Variants in PTPRB observed in about 807,000 individuals in gnomAD.
The protein encoded by PTPRB is receptor-type tyrosine-protein phosphatase beta.
Under a neutral mutation model 238.1 loss-of-function variants are expected in PTPRB, and 97 were observed. That is an observed-to-expected ratio of 0.41 (90% CI 0.35 to 0.48). The LOEUF (loss-of-function observed/expected upper bound fraction) is 0.48. PTPRB is among the 20% of genes least tolerant of loss of function. The pLI, the probability that PTPRB is intolerant of heterozygous loss-of-function variation, is 0.30. For synonymous variants in PTPRB, 970 were observed against 995.4 expected, an observed-to-expected ratio of 0.97 and a Z score of 0.48; for missense variants, 2,292 against 2,681.9, an observed-to-expected ratio of 0.85 and a Z score of 3.21.
At chr12:70,615,694 G>A (rs535938742) in intron 3 of PTPRB, among the ~76,000 whole-genome samples, 137 of 152,308 alleles carry the variant, frequency 9.0e-4, no homozygotes, top group African/African-American at 3.1e-3. Context: ...ACTCCCAGAT[G>A]AACCCAGTTG....
intron 2 of PTPRB, 105 bp downstream of exon 2, chr12:70,635,566 G>A: frequency 7.4e-7 from 1 of 1,345,580 alleles, no homozygotes; most frequent in Non-Finnish European, 1.0e-6. Flanking sequence ...GTTGGGGCAT[G>A]TGGACTTCCC....
chr12:70,535,233 T>G (rs36065059), intron 29 of PTPRB, among the ~76,000 whole-genome samples: 5,282 of 147,286 alleles, frequency 0.036, 357 homozygotes, highest in African/African-American at 0.13. Flanking sequence ...AGTTTTTTTT[T>G]TTTTTTTTTT....
intron 4 of PTPRB, among the ~76,000 whole-genome samples, chr12:70,598,202 G>T (rs926921670): frequency 1.3e-5 from 2 of 150,806 alleles, no homozygotes; most frequent in Non-Finnish European, 2.9e-5. Context: ...GTGTGCTTTG[G>T]GCAATTCCTT....
intron 9 of PTPRB, 90 bp downstream of exon 9, chr12:70,586,917 A>G: frequency 5.6e-6 from 7 of 1,259,968 alleles, no homozygotes; most frequent in South Asian, 2.8e-5. Flanking sequence ...AGTACATAAT[A>G]GGCAGTTAAT....
chr12:70,581,094 C>A lies in PTPRB; in HGVS notation c.2520G>T (p.Val840=), dbSNP rs773962973. 1.2e-6 allele frequency: 2 copies of A among 1,613,992 alleles called. No homozygotes were observed. Among genetic ancestry groups the A allele is most frequent in the Non-Finnish European group, 1.7e-6 (2 of 1,179,888 alleles). ...SLKSGSLYSV[V]VTTVSGGISS... The stretch of plus-strand genomic sequence containing the variant: ...AGATCCCTCCACTCACTGTTGTTAC[C>A]ACCACGGAGTACAGGCTGCCGGACT... The change falls in exon 10 of 34, where the codon GTG becomes GTT. Residue 840 remains valine (V), a synonymous_variant. Transcript: ENST00000334414.
chr12:70,525,183 C>T (rs1412915686), intron 32 of PTPRB, among the ~76,000 whole-genome samples: 2 of 152,124 alleles, frequency 1.3e-5, no homozygotes, highest in Admixed American at 1.3e-4. Flanking sequence ...AAAGTAACTT[C>T]TCCAAGGTCA....
intron 2 of PTPRB, among the ~76,000 whole-genome samples, chr12:70,623,434 C>A (rs1235405618): frequency 6.6e-6 from 1 of 152,172 alleles, no homozygotes; most frequent in Non-Finnish European, 1.5e-5. Context: ...TGCTAATGTG[C>A]AAATTCTGAC....
Position 70,637,419 on chromosome 12 carries a change from C to T in PTPRB, c.-24G>A, listed in dbSNP as rs1280441342. ...ATTTTCCACTTAGCAACTGTTCATG[C>T]TTCGCTTGGGGAAAAAAAAAATTCT... On this transcript the variant is annotated 5_prime_UTR_variant, in exon 1 of 34. Transcript: ENST00000334414. 3.1e-6 allele frequency: 5 copies of T among 1,597,304 alleles called. No homozygotes were observed. Among genetic ancestry groups the T allele is most frequent in the Non-Finnish European group, 4.3e-6 (5 of 1,171,426 alleles).
intron 2 of PTPRB, among the ~76,000 whole-genome samples, chr12:70,626,239 A>G (rs1592606292): frequency 1.3e-5 from 2 of 149,880 alleles, no homozygotes; most frequent in African/African-American, 5.0e-5. Context: ...AATCATCTGG[A>G]AAAAAGATAA....
Position 70,592,354 on chromosome 12 carries a change from G to A in PTPRB, c.1708C>T (p.Arg570Ter). 6.2e-7 allele frequency: 1 copy of A among 1,613,966 alleles called. No individual in the cohort carries two copies. The highest frequency in any genetic ancestry group is 8.5e-7 in the Non-Finnish European group (1 of 1,179,870). ...CAGCTGACAGTAACTTGATAAAGTC[G>A]ACCGGGGACTAACTCTTTAAAGTGA... ...ETHFKELVPG[R>*]LYQVTVSCVS... The change falls in exon 7 of 34, where the codon CGA becomes TGA. Residue 570 changes from arginine (R) to a stop codon, truncating the protein, a stop_gained. Coordinates refer to ENST00000334414, the MANE Select transcript of PTPRB (RefSeq NM_001109754.4). LOFTEE classifies it high-confidence loss of function.
Position 70,518,627 on chromosome 12 carries a change from A to G in PTPRB, c.*2862T>C, listed in dbSNP as rs1245913579. 6.6e-6 allele frequency: 1 copy of G among 152,180 alleles called. No homozygotes were observed. The allele number at this position is 152,180 out of a possible 1,614,324, so 9.4% of individuals were successfully genotyped here. A position where few individuals can be genotyped will look rare whatever the true frequency, so the allele number is the denominator to read the frequency against. ...TCAGAGGTTTAAGGGATAGAGAATTACTTAGGACAAATATGTGCAAGCCCA... is the reference window on the plus strand; with the variant it reads ...TCAGAGGTTTAAGGGATAGAGAATTGCTTAGGACAAATATGTGCAAGCCCA... On this transcript the variant is annotated 3_prime_UTR_variant, in exon 34 of 34. Coordinates refer to ENST00000334414, the MANE Select transcript of PTPRB (RefSeq NM_001109754.4).
intron 28 of PTPRB, among the ~76,000 whole-genome samples, chr12:70,537,096 A>AAC (rs1874245755): frequency 6.6e-6 from 1 of 152,096 alleles, no homozygotes; most frequent in Non-Finnish European, 1.5e-5. Flanking sequence ...CTTCCTGGCT[A>AAC]ACACGGTGAA....
intron 2 of PTPRB, among the ~76,000 whole-genome samples, chr12:70,627,171 A>G (rs932997000): frequency 1.3e-5 from 2 of 152,144 alleles, no homozygotes; most frequent in Non-Finnish European, 2.9e-5. Context: ...TGTTTTCTTT[A>G]GGAGAAAAGA....
At chr12:70,526,579 C>G (rs147915716) in intron 32 of PTPRB, among the ~76,000 whole-genome samples, 105 of 152,322 alleles carry the variant, frequency 6.9e-4, no homozygotes, top group Middle Eastern at 3.4e-3. Context: ...CTCTGCTTTT[C>G]TGCTCACAGA....
intron 21 of PTPRB, among the ~76,000 whole-genome samples, chr12:70,551,227 T>C (rs962634732): frequency 6.6e-6 from 1 of 152,202 alleles, no homozygotes; most frequent in African/African-American, 2.4e-5. Flanking sequence ...AACTGATAAA[T>C]CCTGGTTTTC....
chr12:70,548,144 C>T (rs1449193589), intron 21 of PTPRB, among the ~76,000 whole-genome samples: 4 of 152,170 alleles, frequency 2.6e-5, no homozygotes, highest in South Asian at 2.1e-4. Flanking sequence ...CTGGCCAACA[C>T]GGTGAAACCC....
At chr12:70,618,847 G>A (rs1206644850) in intron 3 of PTPRB, among the ~76,000 whole-genome samples, 1 of 152,166 alleles carries the variant, frequency 6.6e-6, no homozygotes, top group Admixed American at 6.5e-5. Flanking sequence ...TATGATATGT[G>A]TTAATTCATT....
intron 3 of PTPRB, among the ~76,000 whole-genome samples, chr12:70,611,111 A>G (rs919825173): frequency 2.6e-5 from 4 of 152,242 alleles, no homozygotes; most frequent in African/African-American, 9.6e-5. Context: ...ACAACTGCCA[A>G]AAGAAATGAA....
chr12:70,597,557 A>C (rs10506596), intron 4 of PTPRB, among the ~76,000 whole-genome samples: 14,414 of 152,168 alleles, frequency 0.095, 810 homozygotes, highest in African/African-American at 0.16. Context: ...CCTCTTTATG[A>C]GAAATTTTCA....
Sources: gnomAD v4.1 joint callset for allele counts (sites outside exome capture counted in the v4.1 genomes callset) on GRCh38, gnomAD v4.1.1 for gene constraint, MANE v1.5 for transcripts, NCBI Gene and HGNC (gene_info 2026-07-23, HGNC 2026-07-21) for gene names.